The following DSCAML1 variants were observed in gnomAD, a reference collection of about 807,000 sequenced individuals.
DSCAML1 encodes DS cell adhesion molecule like 1.
In DSCAML1, 38 loss-of-function variants were observed where a neutral mutation model predicts 200.5. The ratio of observed to expected loss-of-function variants is 0.19; its 90% CI spans 0.15 to 0.25. DSCAML1 has a LOEUF of 0.25. DSCAML1 is among the 10% of genes least tolerant of loss of function. DSCAML1 has a pLI of 1.00. For missense variants in DSCAML1, 2,223 were observed against 2,858.8 expected, an observed-to-expected ratio of 0.78 and a Z score of 5.07; for synonymous variants, 1,215 against 1,165.0, an observed-to-expected ratio of 1.04 and a Z score of -0.87.
intron 4 of DSCAML1, among the ~76,000 whole-genome samples, chr11:117,532,068 C>G (rs1348924293): frequency 6.7e-6 from 1 of 148,190 alleles, no homozygotes; most frequent in East Asian, 2.0e-4. Context: ...CCAGCAAAAG[C>G]AACACTAATA....
chr11:117,717,248 C>T (rs796723538), intron 3 of DSCAML1, among the ~76,000 whole-genome samples: 2 of 152,260 alleles, frequency 1.3e-5, no homozygotes, highest in African/African-American at 4.8e-5. Flanking sequence ...TGTGCCCACC[C>T]TACCGGTCCC....
Position 117,705,822 on chromosome 11 carries a change from G to C in DSCAML1, c.511+70969C>G, listed in dbSNP as rs114794891. Among the ~76,000 whole-genome samples the C allele has an allele frequency of 3.5e-3, 534 of 152,308 alleles. 1 individual carries two copies. Among genetic ancestry groups the C allele is most frequent in the African/African-American group, 0.012 (506 of 41,560 alleles). On this transcript the variant is annotated intron_variant, in intron 3 of 32. Transcript: ENST00000651296. ...GGAAGGCCAGAAGTGTGCTAGGCTG[G>C]GAAGTGTGACCTTGGGCTGGTACTT...
intron 3 of DSCAML1, among the ~76,000 whole-genome samples, chr11:117,550,179 T>C (rs549778931): frequency 9.8e-5 from 15 of 152,310 alleles, no homozygotes; most frequent in Admixed American, 9.8e-4. Flanking sequence ...ACGTACCTCT[T>C]AATTGATAAT....
intron 3 of DSCAML1, among the ~76,000 whole-genome samples, chr11:117,696,972 G>A (rs529014063): frequency 6.6e-6 from 1 of 152,218 alleles, no homozygotes; most frequent in Non-Finnish European, 1.5e-5. Context: ...ACTCTTCAGG[G>A]ACTAATATGG....
At chr11:117,485,663 C>T (rs2049032498) in intron 11 of DSCAML1, among the ~76,000 whole-genome samples, 1 of 152,246 alleles carries the variant, frequency 6.6e-6, no homozygotes, top group Non-Finnish European at 1.5e-5. Flanking sequence ...CAAGGGGTTC[C>T]ATCAAGACAG....
In DSCAML1 at chr11:117,743,527, A is replaced by C. The variant is rs192137480; in HGVS notation, c.511+33264T>G. On this transcript the variant is annotated intron_variant, in intron 3 of 32. Coordinates refer to ENST00000651296, the MANE Select transcript of DSCAML1 (RefSeq NM_020693.4). ...GCCCACCAGTTCCCCAACATACAGG[A>C]TGCTGAGCAGCGTCTGACACCTTGG... is the stretch of plus-strand genomic sequence containing the variant. Among the ~76,000 whole-genome samples the C allele has an allele frequency of 7.4e-4, 112 of 152,256 alleles. No homozygotes were observed. In the East Asian group the frequency reaches 0.018, roughly 24 times the overall value.
chr11:117,650,702 C>T (rs610552), intron 3 of DSCAML1, among the ~76,000 whole-genome samples: 63 of 68,938 alleles, frequency 9.1e-4, no homozygotes, highest in East Asian at 5.9e-3. Flanking sequence ...TGTGTGTGTG[C>T]GTGTGTGTGT....
At chr11:117,542,322 CAAAACACAAAA>C (rs758576185) in intron 3 of DSCAML1, among the ~76,000 whole-genome samples, 101 of 106,580 alleles carry the variant, frequency 9.5e-4, no homozygotes, top group African/African-American at 2.4e-3. Flanking sequence ...CAAAACAAAA[CAAAACACAAAA>C]ACAACAACAA....
Position 117,525,139 on chromosome 11 carries a change from G to A in DSCAML1, c.659-56C>T, listed in dbSNP as rs956911783. 9.9e-5 allele frequency: 145 copies of A among 1,470,222 alleles called. 1 individual carries two copies. Among genetic ancestry groups the A allele is most frequent in the Middle Eastern group, 7.1e-4 (3 of 4,210 alleles). 91.1% of individuals were successfully genotyped at this position (1,470,222 alleles called of 1,614,324 possible). A position where few individuals can be genotyped will look rare whatever the true frequency, so the allele number is the denominator to read the frequency against. ...CCAGCCCTGGGTGGGATGAAGTGGC[G>A]CTGGGGGAGGGAAGGCAAGCACCCA... is the stretch of plus-strand genomic sequence containing the variant. On this transcript the variant is annotated intron_variant, in intron 4 of 32. Coordinates refer to ENST00000651296, the MANE Select transcript of DSCAML1 (RefSeq NM_020693.4).
At chr11:117,533,410 T>C (rs2050115767) in intron 3 of DSCAML1, among the ~76,000 whole-genome samples, 1 of 152,236 alleles carries the variant, frequency 6.6e-6, no homozygotes, top group African/African-American at 2.4e-5. Flanking sequence ...CATGGAATTA[T>C]ACATAAGCCT....
At chr11:117,578,622 A>G (rs2050991684) in intron 3 of DSCAML1, among the ~76,000 whole-genome samples, 1 of 152,156 alleles carries the variant, frequency 6.6e-6, no homozygotes. Context: ...GTGAGCTATG[A>G]TGGCACCACT....
Position 117,518,266 on chromosome 11 carries a change from C to T in DSCAML1, c.1510+200G>A, listed in dbSNP as rs1427965028. On this transcript the variant is annotated intron_variant, in intron 7 of 32. Transcript: ENST00000651296. The surrounding 1 kb of genome is among the most constrained non-coding windows in gnomAD (Gnocchi z 6.3). ...GGGAGGTGAATGAGGGTGAACTGTA[C>T]CAGACACACACACGCACACAAGAAT... Among the ~76,000 whole-genome samples the T allele has an allele frequency of 6.6e-6, 1 of 151,752 alleles. No homozygotes were observed. The highest frequency in any genetic ancestry group is 1.5e-5 in the Non-Finnish European group (1 of 67,942).
intron 3 of DSCAML1, among the ~76,000 whole-genome samples, chr11:117,639,841 C>T (rs939692703): frequency 2.6e-5 from 4 of 151,982 alleles, no homozygotes; most frequent in African/African-American, 4.8e-5. Context: ...GCCTCCCGCT[C>T]CCTTCCTGCA....
chr11:117,776,212 C>A (rs1226522702), intron 3 of DSCAML1, among the ~76,000 whole-genome samples: 1 of 152,150 alleles, frequency 6.6e-6, no homozygotes, highest in Non-Finnish European at 1.5e-5. Flanking sequence ...GATGAACCCA[C>A]AACATGGTAT....
intron 11 of DSCAML1, among the ~76,000 whole-genome samples, chr11:117,502,869 A>T (rs1252558444): frequency 2.7e-5 from 3 of 113,056 alleles, no homozygotes; most frequent in African/African-American, 1.0e-4. Context: ...AGTGTAGATC[A>T]GGAAAATGAA....
rs1565280678 is a variant in DSCAML1 at position 117,780,236 on chromosome 11, G to GA, written c.364+256dup. 1.9e-5 allele frequency among the ~76,000 whole-genome samples: 1 copy of GA among 52,734 alleles called. No individual in the cohort carries two copies. The highest frequency in any genetic ancestry group is 1.9e-4 in the Admixed American group (1 of 5,180). 34.6% of individuals were successfully genotyped at this position (52,734 alleles called of 152,430 possible). A position where few individuals can be genotyped will look rare whatever the true frequency, so the allele number is the denominator to read the frequency against. ...GAGAGAGAGAAAGAAAGAAAGGAAAGAAAGAAAGAAAGAAAGAAAGAAAGA... is the reference window on the plus strand; with the variant it reads ...GAGAGAGAGAAAGAAAGAAAGGAAAGAAAAGAAAGAAAGAAAGAAAGAAAGA... On this transcript the variant is annotated intron_variant, in intron 2 of 32. Coordinates refer to ENST00000651296, the MANE Select transcript of DSCAML1 (RefSeq NM_020693.4). This position sits in a 1 kb window ranked among gnomAD's most constrained non-coding sequence, Gnocchi z 4.8.
Position 117,518,422 on chromosome 11 carries a change from AG to A in DSCAML1, c.1510+43del. On this transcript the variant is annotated intron_variant, in intron 7 of 32. Transcript: ENST00000651296. The surrounding 1 kb of genome is among the most constrained non-coding windows in gnomAD (Gnocchi z 6.3). ...ATAATGGTAACCACAGAGATGGCAA[AG>A]GAACTCAAAAACCTATTCTGATATT... 6.2e-7 allele frequency: 1 copy of A among 1,611,228 alleles called. No individual in the cohort carries two copies.
intron 3 of DSCAML1, among the ~76,000 whole-genome samples, chr11:117,662,717 TC>T (rs1229897205): frequency 1.3e-5 from 2 of 152,164 alleles, no homozygotes; most frequent in Non-Finnish European, 2.9e-5. Context: ...CTCCAGCAAA[TC>T]CTTTCAAACC....
chr11:117,754,320 C>CT (rs1341467171), intron 3 of DSCAML1, among the ~76,000 whole-genome samples: 2 of 152,230 alleles, frequency 1.3e-5, no homozygotes, highest in African/African-American at 4.8e-5. Flanking sequence ...TGCTGTCACT[C>CT]TGTCTCCCTC....
Sources: allele counts gnomAD v4.1 joint callset (sites outside exome capture counted in the v4.1 genomes callset), GRCh38; gene constraint gnomAD v4.1.1; non-coding constraint Gnocchi (gnomAD v3.1); transcripts MANE v1.5; gene names NCBI Gene and HGNC (gene_info 2026-07-23, HGNC 2026-07-21).